The following ITGA1 variants were observed in gnomAD, a reference collection of about 807,000 sequenced individuals.
ITGA1 encodes the protein integrin subunit alpha 1, also known as integrin alpha-1.
A neutral mutation model predicts 145.9 loss-of-function variants in ITGA1; 85 were observed. That is an observed-to-expected ratio of 0.58 (90% confidence interval 0.49 to 0.70). The LOEUF is 0.70. Ranked by LOEUF, ITGA1 falls within the 30% of genes least tolerant of loss-of-function variation. The pLI is 0.00. For missense variants in ITGA1, 1,351 were observed against 1,418.7 expected, an observed-to-expected ratio of 0.95 and a Z score of 0.77; for synonymous variants, 520 against 495.3, an observed-to-expected ratio of 1.05 and a Z score of -0.66.
chr5:52,855,678 G>T (rs1749501877), intron 2 of ITGA1, among the ~76,000 whole-genome samples: 1 of 152,118 alleles, frequency 6.6e-6, no homozygotes. Context: ...CAAGAGAGTG[G>T]ATTGAGAATG....
intron 16 of ITGA1, among the ~76,000 whole-genome samples, chr5:52,919,749 A>G (rs977318500): frequency 6.6e-6 from 1 of 152,196 alleles, no homozygotes; most frequent in Non-Finnish European, 1.5e-5. Context: ...CAAAGTAATT[A>G]AGTGATCAAA....
chr5:52,801,367 C>T (rs764010359), intron 1 of ITGA1: 39 of 1,515,330 alleles, frequency 2.6e-5, no homozygotes, highest in Non-Finnish European at 3.4e-5. Flanking sequence ...AATGGGTGTT[C>T]TAGGAGATTA....
Position 52,953,841 on chromosome 5 carries a change from A to AACC in ITGA1, c.*1390_*1391insACC. ...TTCTGCAACAACATTTCTCCATCTGATTTACCAGAACCTGTAACAAGACCA... is the reference window on the plus strand; with the variant it reads ...TTCTGCAACAACATTTCTCCATCTGAACCTTTACCAGAACCTGTAACAAGACCA... On this transcript the variant is annotated 3_prime_UTR_variant, in exon 29 of 29. Coordinates refer to ENST00000282588, the MANE Select transcript of ITGA1 (RefSeq NM_181501.2). The AACC allele has an allele frequency of 6.6e-6, 1 of 152,336 alleles. No individual in the cohort carries two copies. The highest frequency in any genetic ancestry group is 1.9e-4 in the East Asian group (1 of 5,184). 9.4% of individuals were successfully genotyped at this position (152,336 alleles called of 1,614,324 possible).
chr5:52,888,087 G>C (rs1750083146), intron 8 of ITGA1, 122 bp downstream of exon 8: 3 of 995,326 alleles, frequency 3.0e-6, no homozygotes, highest in Non-Finnish European at 4.4e-6. Context: ...TCCATTTGAA[G>C]GTAAGCCCTG....
chr5:52,881,070 G>T (rs952996445), intron 6 of ITGA1, among the ~76,000 whole-genome samples: 1 of 152,190 alleles, frequency 6.6e-6, no homozygotes, highest in African/African-American at 2.4e-5. Flanking sequence ...GGACTAAAGG[G>T]AATGAAAGGA....
chr5:52,805,505 C>A (rs1748572319), intron 1 of ITGA1, among the ~76,000 whole-genome samples: 2 of 152,116 alleles, frequency 1.3e-5, no homozygotes, highest in African/African-American at 4.8e-5. Flanking sequence ...GACATGACTG[C>A]AGATTGCTGT....
intron 1 of ITGA1, among the ~76,000 whole-genome samples, chr5:52,834,168 C>G (rs567701972): frequency 6.6e-6 from 1 of 152,308 alleles, no homozygotes; most frequent in South Asian, 2.1e-4. Flanking sequence ...CAGCACCTAG[C>G]ACATCACTTC....
intron 12 of ITGA1, among the ~76,000 whole-genome samples, chr5:52,907,890 C>T (rs1318427805): frequency 6.6e-6 from 1 of 152,170 alleles, no homozygotes; most frequent in Non-Finnish European, 1.5e-5. Flanking sequence ...TCTCAAGGCC[C>T]TCAAAAGCCT....
intron 23 of ITGA1, among the ~76,000 whole-genome samples, chr5:52,934,834 G>C (rs539276783): frequency 3.3e-5 from 5 of 151,774 alleles, no homozygotes; most frequent in African/African-American, 9.7e-5. Flanking sequence ...ATAAATAAAC[G>C]TATACTCCCA....
intron 1 of ITGA1, chr5:52,800,847 A>C (rs1165634386): frequency 6.2e-7 from 1 of 1,609,174 alleles, no homozygotes; most frequent in Admixed American, 1.7e-5. Context: ...ATATCTGCTT[A>C]GTCACTCCCA....
chr5:52,856,954 A>G (rs944366866), intron 2 of ITGA1, among the ~76,000 whole-genome samples: 6 of 152,150 alleles, frequency 3.9e-5, no homozygotes, highest in Non-Finnish European at 7.3e-5. Flanking sequence ...CTAAAGCACC[A>G]ATTCTGTTCC....
At chr5:52,950,859 T>C (rs1353448094) in intron 28 of ITGA1, among the ~76,000 whole-genome samples, 1 of 152,188 alleles carries the variant, frequency 6.6e-6, no homozygotes, top group Non-Finnish European at 1.5e-5. Flanking sequence ...GAAAGCCTTG[T>C]CTGTTTATTT....
chr5:52,909,727 A>C (rs1179020712), intron 13 of ITGA1, among the ~76,000 whole-genome samples: 4 of 149,658 alleles, frequency 2.7e-5, no homozygotes, highest in African/African-American at 9.8e-5. Flanking sequence ...TTTTCCAAGA[A>C]AGTGTATTCT....
chr5:52,918,922 T>A (rs1489465302), intron 16 of ITGA1, 24 bp downstream of exon 16: 2 of 1,563,356 alleles, frequency 1.3e-6, no homozygotes, highest in Non-Finnish European at 1.7e-6. Context: ...TTATAGCAAG[T>A]ACTTTTGGGT....
Position 52,910,173 on chromosome 5 carries a change from A to C in ITGA1, c.1611A>C (p.Glu537Asp), listed in dbSNP as rs1750480880. 6.2e-7 allele frequency: 1 copy of C among 1,603,418 alleles called. No homozygotes were observed. Reference protein sequence around the residue: ...YVYALNQTRFEYQMSLEPIKQ... With the variant: ...YVYALNQTRFDYQMSLEPIKQ... ...TATCTTTCTTCCAGACAAGGTTTGAATATCAAATGAGCCTGGAACCTATTA... is the reference window on the plus strand; with the variant it reads ...TATCTTTCTTCCAGACAAGGTTTGACTATCAAATGAGCCTGGAACCTATTA... Residue 537 changes from glutamate (E) to aspartate (D), a missense_variant, in exon 14 of 29, where the codon GAA (glutamate) becomes GAC (aspartate). Glu to Asp is a conservative substitution (Grantham distance 45). Transcript: ENST00000282588.
At chr5:52,941,834 G>A (rs1751057990) in intron 26 of ITGA1, among the ~76,000 whole-genome samples, 1 of 152,090 alleles carries the variant, frequency 6.6e-6, no homozygotes, top group Admixed American at 6.5e-5. Context: ...TAGAGACTTA[G>A]CCAAAAATTA....
At chr5:52,841,801 A>C (rs2111738939) in intron 1 of ITGA1, among the ~76,000 whole-genome samples, 1 of 152,326 alleles carries the variant, frequency 6.6e-6, no homozygotes, top group Admixed American at 6.5e-5. Flanking sequence ...GAAAATACTT[A>C]ATATATCACC....
Position 52,832,779 on chromosome 5 carries a change from G to GTGTGTGTCTGTGTC in ITGA1, c.62-16579_62-16578insCTGTGTCTGTGTGT, listed in dbSNP as rs200257290. Among the ~76,000 whole-genome samples the GTGTGTGTCTGTGTC allele has an allele frequency of 4.5e-5, 6 of 132,276 alleles. 1 individual carries two copies. The highest frequency in any genetic ancestry group is 1.9e-4 in the African/African-American group (6 of 31,694). The allele number at this position is 132,276 out of a possible 152,430, so 86.8% of individuals were successfully genotyped here. On this transcript the variant is annotated intron_variant, in intron 1 of 28. Coordinates refer to ENST00000282588, the MANE Select transcript of ITGA1 (RefSeq NM_181501.2). ...AATATATAAATCTGTGTGTGTGTGT[G>GTGTGTGTCTGTGTC]TGTGTGTGTGTGTGTGTGTGTGTGT...
chr5:52,820,522 T>A (rs369419228), intron 1 of ITGA1, among the ~76,000 whole-genome samples: 9 of 146,490 alleles, frequency 6.1e-5, no homozygotes, highest in Non-Finnish European at 1.0e-4. Flanking sequence ...TAAAGTATAA[T>A]AAAAAAAAAA....
Sources: allele counts gnomAD v4.1 joint callset (sites outside exome capture counted in the v4.1 genomes callset), GRCh38; gene constraint gnomAD v4.1.1; transcripts MANE v1.5; gene names NCBI Gene and HGNC (gene_info 2026-07-23, HGNC 2026-07-21).